Variants in EEA1 observed in about 807,000 individuals in gnomAD.
EEA1 encodes the protein early endosome antigen 1, also known as early endosome antigen 1, 162kD.
Under a neutral mutation model 209.2 loss-of-function variants are expected in EEA1, and 111 were observed. That is an observed-to-expected ratio of 0.53 (90% CI 0.45 to 0.62). The LOEUF (loss-of-function observed/expected upper bound fraction) is 0.62, where lower values mean the gene tolerates loss of function less well. Among genes scored for constraint, EEA1 ranks in the 20% least tolerant of loss-of-function variants. The probability of loss-of-function intolerance (pLI) is 0.00; values close to 1 mark genes in which losing one functional copy is unlikely to be tolerated. For synonymous variants in EEA1, 536 were observed against 540.6 expected (o/e 0.99, Z 0.12); for missense variants, 1,343 against 1,530.8 (o/e 0.88, Z 2.05).
intron 1 of EEA1, among the ~76,000 whole-genome samples, chr12:92,895,805 T>C (rs1365522273): frequency 6.6e-6 from 1 of 152,036 alleles, no homozygotes; most frequent in Non-Finnish European, 1.5e-5. Context: ...TTAAGAACAT[T>C]TGTGATTCAT....
chr12:92,790,512 C>T (rs1486499570), intron 21 of EEA1, among the ~76,000 whole-genome samples: 12 of 152,176 alleles, frequency 7.9e-5, no homozygotes, highest in African/African-American at 2.9e-4. Context: ...CTGATTCGAT[C>T]AAGTGGAAGA....
chr12:92,871,277 T>G (rs985779923), intron 2 of EEA1, among the ~76,000 whole-genome samples: 1 of 152,194 alleles, frequency 6.6e-6, no homozygotes, highest in Non-Finnish European at 1.5e-5. Context: ...GAAACTTCCT[T>G]TAAGCATGCA....
At chr12:92,875,413 G>A (rs763701874) in intron 2 of EEA1, among the ~76,000 whole-genome samples, 13 of 152,242 alleles carry the variant, frequency 8.5e-5, no homozygotes, top group Non-Finnish European at 1.9e-4. Context: ...TCCAGACTGG[G>A]CGACAGAGTG....
At chr12:92,880,401 A>G (rs1285822125) in intron 2 of EEA1, among the ~76,000 whole-genome samples, 1 of 151,936 alleles carries the variant, frequency 6.6e-6, no homozygotes, top group Non-Finnish European at 1.5e-5. Context: ...ACCTCACAGG[A>G]GCAAGCGATT....
In EEA1 at chr12:92,858,257, T is replaced by C. The variant is rs1877975366; in HGVS notation, c.246-772A>G. 2.5e-5 allele frequency: 18 copies of C among 728,392 alleles called. No individual in the cohort carries two copies. In the South Asian group the frequency reaches 2.6e-4, roughly 10 times the overall value. The allele number at this position is 728,392 out of a possible 1,614,324, so 45.1% of individuals were successfully genotyped here. On this transcript the variant is annotated intron_variant, in intron 3 of 28. Coordinates refer to ENST00000322349, the MANE Select transcript of EEA1 (RefSeq NM_003566.4). ...ATGCCAAAGTAGCTTGTGAAACTGTTGCTAAAACTGGAATGATCCTTCTTG... is the reference window on the plus strand; with the variant it reads ...ATGCCAAAGTAGCTTGTGAAACTGTCGCTAAAACTGGAATGATCCTTCTTG...
Position 92,775,851 on chromosome 12 carries a change from G to A in EEA1, c.*160C>T. 1 of 620,024 alleles carries A rather than the reference G, an allele frequency of 1.6e-6. No homozygotes were observed. Among genetic ancestry groups the A allele is most frequent in the Non-Finnish European group, 2.4e-6 (1 of 418,384 alleles). The allele number at this position is 620,024 out of a possible 1,614,324, so 38.4% of individuals were successfully genotyped here. ...GCCCAAGTCTCACAAAAATAGAAGA[G>A]TTTTACTTGATATCCATAACATTCC... On this transcript the variant is annotated 3_prime_UTR_variant, in exon 29 of 29. Coordinates refer to ENST00000322349, the MANE Select transcript of EEA1 (RefSeq NM_003566.4).
At chr12:92,786,570 T>TTC (rs1874142995) in intron 22 of EEA1, among the ~76,000 whole-genome samples, 3 of 152,138 alleles carry the variant, frequency 2.0e-5, no homozygotes, top group Admixed American at 1.3e-4. Context: ...CTTTTGTTTC[T>TTC]TCTCTCTCTC....
intron 13 of EEA1, among the ~76,000 whole-genome samples, chr12:92,823,585 T>G (rs1394000447): frequency 6.6e-6 from 1 of 152,242 alleles, no homozygotes; most frequent in African/African-American, 2.4e-5. Context: ...CAATTTTATA[T>G]ACAGATACAC....
chr12:92,820,024 T>C (rs750030377), intron 13 of EEA1, among the ~76,000 whole-genome samples: 10 of 152,204 alleles, frequency 6.6e-5, no homozygotes, highest in Non-Finnish European at 1.3e-4. Context: ...ATCATTTTCT[T>C]TCCATAGCGC....
In EEA1 at chr12:92,791,692, G is replaced by A. The variant is rs148387003; in HGVS notation, c.2968-3643C>T. 2.5e-3 allele frequency among the ~76,000 whole-genome samples: 373 copies of A among 152,096 alleles called. 4 individuals carry two copies. Among genetic ancestry groups the A allele is most frequent in the African/African-American group, 7.9e-3 (329 of 41,526 alleles). The stretch of plus-strand genomic sequence containing the variant: ...TAATAATGGGAGACTTTAACACCTC[G>A]CTGTCAATATTAGACAGATCAACGA... On this transcript the variant is annotated intron_variant, in intron 21 of 28. Coordinates refer to ENST00000322349, the MANE Select transcript of EEA1 (RefSeq NM_003566.4).
At chr12:92,786,281 G>A (rs547884550) in intron 22 of EEA1, among the ~76,000 whole-genome samples, 2 of 152,182 alleles carry the variant, frequency 1.3e-5, no homozygotes, top group African/African-American at 4.8e-5. Flanking sequence ...ACTCCCTTTA[G>A]TGGTTCCTCA....
intron 13 of EEA1, among the ~76,000 whole-genome samples, chr12:92,825,396 G>A (rs544879992): frequency 1.7e-4 from 26 of 151,930 alleles, no homozygotes; most frequent in African/African-American, 6.3e-4. Flanking sequence ...GGAGCTTGCA[G>A]TGAGCCGAGA....
intron 1 of EEA1, among the ~76,000 whole-genome samples, chr12:92,911,652 T>C (rs1283261773): frequency 6.6e-6 from 1 of 152,222 alleles, no homozygotes; most frequent in Non-Finnish European, 1.5e-5. Context: ...TAATGATATG[T>C]CAACATAGGT....
chr12:92,828,833 AACTGCC>A (rs1367957276), intron 11 of EEA1, among the ~76,000 whole-genome samples: 1 of 151,940 alleles, frequency 6.6e-6, no homozygotes, highest in East Asian at 1.9e-4. Context: ...TCTGCTTTCG[AACTGCC>A]ACCTGTCAAA....
At chr12:92,803,057 T>C (rs1403798701) in intron 18 of EEA1, among the ~76,000 whole-genome samples, 1 of 152,034 alleles carries the variant, frequency 6.6e-6, no homozygotes, top group African/African-American at 2.4e-5. Flanking sequence ...GACCCTCTAC[T>C]CTATAACAGC....
At chr12:92,874,642 A>T (rs1878800057) in intron 2 of EEA1, among the ~76,000 whole-genome samples, 1 of 152,262 alleles carries the variant, frequency 6.6e-6, no homozygotes. Context: ...CTGGGATTAC[A>T]GGCGTGAGCC....
chr12:92,783,909 T>A (rs1051828715), intron 22 of EEA1, among the ~76,000 whole-genome samples: 3 of 151,062 alleles, frequency 2.0e-5, no homozygotes, highest in Non-Finnish European at 2.9e-5. Context: ...ATACAGCAAG[T>A]ACTCAGTAAA....
intron 9 of EEA1, among the ~76,000 whole-genome samples, chr12:92,850,623 G>A (rs892438626): frequency 3.4e-5 from 5 of 145,818 alleles, no homozygotes; most frequent in Non-Finnish European, 7.5e-5. Flanking sequence ...CCGGGAGGTG[G>A]ATGTTGCAGT....
intron 9 of EEA1, among the ~76,000 whole-genome samples, chr12:92,848,261 A>C (rs995741457): frequency 4.0e-5 from 6 of 151,896 alleles, no homozygotes; most frequent in African/African-American, 1.4e-4. Context: ...ATTTCTTACA[A>C]AGCCCTGTTT....
Sources: gnomAD v4.1 joint callset for allele counts (sites outside exome capture counted in the v4.1 genomes callset) on GRCh38, gnomAD v4.1.1 for gene constraint, MANE v1.5 for transcripts, NCBI Gene and HGNC (gene_info 2026-07-23, HGNC 2026-07-21) for gene names.